MEGF6: variants seen among roughly 807,000 people sequenced by gnomAD.
The protein encoded by MEGF6 is multiple EGF like domains 6, also known as multiple epidermal growth factor-like domains protein 6.
Under a neutral mutation model 207.1 loss-of-function variants are expected in MEGF6, and 184 were observed. The ratio of observed to expected loss-of-function variants is 0.89; its 90% CI spans 0.79 to 1.00. The LOEUF is 1.00. Ranked by LOEUF, MEGF6 falls within the 50% of genes least tolerant of loss-of-function variation. The pLI, the probability that MEGF6 is intolerant of heterozygous loss-of-function variation, is 0.00. For synonymous variants in MEGF6, 1,038 were observed against 910.0 expected (o/e 1.14, Z -2.53); for missense variants, 2,282 against 2,202.9 (o/e 1.04, Z -0.72).
chr1:3,522,476 G>A (rs150321058), intron 5 of MEGF6, among the ~76,000 whole-genome samples: 12 of 152,250 alleles, frequency 7.9e-5, no homozygotes, highest in Admixed American at 1.3e-4. Context: ...TAAAATGGGC[G>A]AGCACCGCAG....
At chr1:3,555,900 A>G (rs1436578465) in intron 4 of MEGF6, among the ~76,000 whole-genome samples, 1 of 152,230 alleles carries the variant, frequency 6.6e-6, no homozygotes, top group East Asian at 1.9e-4. Context: ...AAGTGCCCCA[A>G]ATAAGTCTCC....
At chr1:3,536,038 G>A (rs1246551294) in intron 4 of MEGF6, among the ~76,000 whole-genome samples, 5 of 152,180 alleles carry the variant, frequency 3.3e-5, no homozygotes, top group Non-Finnish European at 5.9e-5. Context: ...AGGCAGCTCC[G>A]GCTTCGCACC....
At chr1:3,592,922 A>T (rs1557803673) in intron 3 of MEGF6, among the ~76,000 whole-genome samples, 1 of 151,700 alleles carries the variant, frequency 6.6e-6, no homozygotes, top group Non-Finnish European at 1.5e-5. Flanking sequence ...GACAACCAGG[A>T]CCCCCACCCT....
Position 3,494,001 on chromosome 1 carries a change from T to C in MEGF6, c.4253A>G (p.Glu1418Gly), listed in dbSNP as rs947523220. The C allele has an allele frequency of 4.4e-6, 7 of 1,600,402 alleles. No individual in the cohort carries two copies. The highest frequency in any genetic ancestry group is 2.3e-5 in the East Asian group (1 of 44,234). ...GGGAGGCACCAAGCACTCACCCCTC[T>C]CACAGAAGTGGCCGTGGAAGCCGGC... is the stretch of plus-strand genomic sequence containing the variant. ...CPAGFHGHFC[E>G]RGCEPGSFGE... The change falls in exon 33 of 37, where the codon GAG becomes GGG. Residue 1418 changes from glutamate to glycine, a missense_variant. By Grantham distance (98) the Glu-to-Gly change is moderately conservative. Transcript: ENST00000356575.
rs1463346891 is a variant in MEGF6, at chr1:3,565,915, C to A, written c.481+13910G>T. The stretch of plus-strand genomic sequence containing the variant: ...CTCATGGGGTGCAGTGGGGATCCAG[C>A]TTCCTCCTCCCTGAGACCTCAGGGT... On this transcript the variant is annotated intron_variant, in intron 4 of 36. Coordinates refer to ENST00000356575, the MANE Select transcript of MEGF6 (RefSeq NM_001409.4). This position sits in a 1 kb window ranked among gnomAD's most constrained non-coding sequence, Gnocchi z 4.8. Among the ~76,000 whole-genome samples the A allele has an allele frequency of 6.6e-6, 1 of 152,176 alleles. No homozygotes were observed. Among genetic ancestry groups the A allele is most frequent in the African/African-American group, 2.4e-5 (1 of 41,442 alleles).
At chr1:3,505,154 G>T in intron 17 of MEGF6, 54 bp downstream of exon 17, 1 of 1,588,762 alleles carries the variant, frequency 6.3e-7, no homozygotes, top group Non-Finnish European at 8.5e-7. Context: ...AGCCAGGCAG[G>T]CAGCCTACAC....
At chr1:3,604,206 C>A (rs939913606) in intron 1 of MEGF6, among the ~76,000 whole-genome samples, 21 of 152,198 alleles carry the variant, frequency 1.4e-4, no homozygotes, top group African/African-American at 4.8e-4. Context: ...CCCATGACCT[C>A]CTGCCGAGAG....
rs72852490 is a variant in MEGF6, at chr1:3,506,033, C to G, written c.1918+75G>C. On this transcript the variant is annotated intron_variant, in intron 15 of 36. Transcript: ENST00000356575. ...GATAGCCTCATCCTAACCCAGACTA[C>G]AGGTAACAGGACATGGACCATCCCT... 15,709 of 1,495,392 alleles carry G rather than the reference C, an allele frequency of 0.011. 1,353 individuals carry two copies. In the African/African-American group the frequency reaches 0.19, roughly 18 times the overall value. 92.6% of individuals were successfully genotyped at this position (1,495,392 alleles called of 1,614,324 possible).
rs1386848720 is a variant in MEGF6, at chr1:3,594,796, TG to T, written c.376+541del. On this transcript the variant is annotated intron_variant, in intron 3 of 36. Coordinates refer to ENST00000356575, the MANE Select transcript of MEGF6 (RefSeq NM_001409.4). The surrounding 1 kb of genome is among the most constrained non-coding windows in gnomAD (Gnocchi z 4.2). ...CTCTGAGCCCCAGCACATCAGCACC[TG>T]CCCGGGTCAGGTCGTATGCAGCACG... 2.6e-5 allele frequency among the ~76,000 whole-genome samples: 4 copies of T among 152,328 alleles called. No homozygotes were observed. In the East Asian group the frequency reaches 7.7e-4, roughly 29 times the overall value.
intron 4 of MEGF6, among the ~76,000 whole-genome samples, chr1:3,539,571 T>C (rs1642449287): frequency 6.6e-6 from 1 of 152,178 alleles, no homozygotes; most frequent in African/African-American, 2.4e-5. Context: ...TCCGCAGTTC[T>C]GAGAGTTCAC....
chr1:3,613,127 G>C (rs1644349491), upstream of MEGF6, among the ~76,000 whole-genome samples: 1 of 152,214 alleles, frequency 6.6e-6, no homozygotes, highest in East Asian at 1.9e-4. Context: ...CCAGCTACCA[G>C]TTGGTGCCCC....
chr1:3,604,682 C>G (rs945672511), intron 1 of MEGF6, among the ~76,000 whole-genome samples: 1 of 152,170 alleles, frequency 6.6e-6, no homozygotes, highest in East Asian at 1.9e-4. Context: ...TCTCCCCTCC[C>G]AGGGAGGAAG....
the MEGF6 span, among the ~76,000 whole-genome samples, chr1:3,619,928 G>A: frequency 1.3e-5 from 2 of 152,232 alleles, no homozygotes; most frequent in African/African-American, 4.8e-5. Flanking sequence ...CTAGAGACTT[G>A]TTGAATGGTT....
chr1:3,568,372 G>A (rs2101680088), intron 4 of MEGF6, among the ~76,000 whole-genome samples: 1 of 148,564 alleles, frequency 6.7e-6, no homozygotes, highest in Non-Finnish European at 1.5e-5. Flanking sequence ...GTGGTCCTAG[G>A]TCCCACATGG....
intron 4 of MEGF6, among the ~76,000 whole-genome samples, chr1:3,529,305 G>A (rs935902107): frequency 6.6e-6 from 1 of 152,166 alleles, no homozygotes; most frequent in Non-Finnish European, 1.5e-5. Context: ...AAGGAGCTTG[G>A]AGGCCCCTAT....
At chr1:3,612,760 A>G (rs1213409464), upstream of MEGF6, among the ~76,000 whole-genome samples, 2 of 152,052 alleles carry the variant, frequency 1.3e-5, no homozygotes, top group Non-Finnish European at 2.9e-5. Context: ...GGGCTTGGGA[A>G]GGGAGCACCC....
chr1:3,562,175 G>A (rs1298590050), intron 4 of MEGF6, among the ~76,000 whole-genome samples: 1 of 152,142 alleles, frequency 6.6e-6, no homozygotes, highest in East Asian at 1.9e-4. Context: ...GTCTCTCTCT[G>A]TCCTTTCTCT....
In MEGF6 at chr1:3,509,217, G is replaced by A. The variant is rs538325178; in HGVS notation, c.1386C>T (p.Asp462=). The A allele has an allele frequency of 2.1e-5, 33 of 1,543,078 alleles. No homozygotes were observed. The highest frequency in any genetic ancestry group is 1.4e-4 in the African/African-American group (10 of 71,952). The change falls in exon 12 of 37, where the codon GAC becomes GAT. Residue 462 remains aspartate, a synonymous_variant. Coordinates refer to ENST00000356575, the MANE Select transcript of MEGF6 (RefSeq NM_001409.4). ...SPLEEPMVDL[D]GELPFVRPLP... ...GGGGCCGCACGAAAGGCAGCTCGCC[G>A]TCCAGGTCCACCATCGGCTCCTCCA...
At chr1:3,495,770 T>C in intron 30 of MEGF6, 120 bp downstream of exon 30, 1 of 1,278,058 alleles carries the variant, frequency 7.8e-7, no homozygotes, top group Non-Finnish European at 1.1e-6. Context: ...AGTGGGGAGC[T>C]GGTGGCAGCC....
Sources: allele counts gnomAD v4.1 joint callset (sites outside exome capture counted in the v4.1 genomes callset), GRCh38; gene constraint gnomAD v4.1.1; non-coding constraint Gnocchi (gnomAD v3.1); transcripts MANE v1.5; gene names NCBI Gene and HGNC (gene_info 2026-07-23, HGNC 2026-07-21).